The following MYLK4 variants were observed in gnomAD, a reference collection of about 807,000 sequenced individuals.
The protein encoded by MYLK4 is myosin light chain kinase family member 4.
Under a neutral mutation model 48.1 loss-of-function variants are expected in MYLK4, and 46 were observed. That is an observed-to-expected ratio of 0.96 (90% CI 0.75 to 1.22). MYLK4 has a LOEUF of 1.22. Among genes scored for constraint, MYLK4 ranks in the 50% most tolerant of loss-of-function variants. MYLK4 has a pLI of 0.00. For synonymous variants in MYLK4, 170 were observed against 180.8 expected (o/e 0.94, Z 0.48); for missense variants, 451 against 486.1 (o/e 0.93, Z 0.68).
intron 2 of MYLK4, among the ~76,000 whole-genome samples, chr6:2,741,298 TCTTA>T (rs1763892461): frequency 6.6e-6 from 1 of 152,216 alleles, no homozygotes; most frequent in East Asian, 1.9e-4. Context: ...CTAACCATTC[TCTTA>T]CTTAGGTACA....
At position 2,685,915 on chromosome 6, in the gene MYLK4, A is replaced by C. The variant is rs1175171670; in HGVS notation, c.342-339T>G. On this transcript the variant is annotated intron_variant, in intron 4 of 12. Coordinates refer to ENST00000274643, the MANE Select transcript of MYLK4 (RefSeq NM_001012418.5). The surrounding 1 kb of genome is among the most constrained non-coding windows in gnomAD (Gnocchi z 4.5). ...ATCTCTGCTAAAAATACAAATACAA[A>C]AAATTAGCCAGATGTGATGGCATGT... Among the ~76,000 whole-genome samples, 2 of 152,124 alleles carry C rather than the reference A, an allele frequency of 1.3e-5. No individual in the cohort carries two copies. The highest frequency in any genetic ancestry group is 2.9e-5 in the Non-Finnish European group (2 of 68,024).
At chr6:2,669,804 AAAG>A (rs1415044648) in intron 12 of MYLK4, among the ~76,000 whole-genome samples, 5 of 152,342 alleles carry the variant, frequency 3.3e-5, no homozygotes, top group South Asian at 4.1e-4. Flanking sequence ...TGTTTTTAAC[AAAG>A]AAGAATGGTC....
chr6:2,684,098 G>C (rs1761433674), intron 6 of MYLK4, among the ~76,000 whole-genome samples: 1 of 152,138 alleles, frequency 6.6e-6, no homozygotes, highest in Non-Finnish European at 1.5e-5. Context: ...GAGTAAAATA[G>C]AACAATTATA....
intron 2 of MYLK4, among the ~76,000 whole-genome samples, chr6:2,698,539 G>A (rs2113203581): frequency 6.6e-6 from 1 of 152,318 alleles, no homozygotes; most frequent in South Asian, 2.1e-4. Context: ...ATTACTGTTT[G>A]TGGAAATGCC....
chr6:2,765,541 G>A, the MYLK4 span: 4 of 1,349,262 alleles, frequency 3.0e-6, no homozygotes, highest in Non-Finnish European at 2.8e-6. Flanking sequence ...GCGGCGCGGG[G>A]CCTAGCGGAG....
intron 2 of MYLK4, among the ~76,000 whole-genome samples, chr6:2,712,379 G>T (rs1048548365): frequency 5.3e-5 from 8 of 152,288 alleles, no homozygotes; most frequent in African/African-American, 1.9e-4. Flanking sequence ...GGGTAGGCTT[G>T]CCCAGACCCA....
rs761524208 is a variant in MYLK4, at chr6:2,673,822, G to A, written c.1119+1225C>T. 2.0e-5 allele frequency among the ~76,000 whole-genome samples: 3 copies of A among 152,224 alleles called. No individual in the cohort carries two copies. The highest frequency in any genetic ancestry group is 2.4e-5 in the African/African-American group (1 of 41,458). ...TCAGGGGAGGCATGTCCCAGGCCAC[G>A]GTCACCATGGGAATGGAGAGAAACA... On this transcript the variant is annotated intron_variant, in intron 11 of 12. Transcript: ENST00000274643. The surrounding 1 kb of genome is among the most constrained non-coding windows in gnomAD (Gnocchi z 4.2).
intron 2 of MYLK4, among the ~76,000 whole-genome samples, chr6:2,709,399 C>T (rs1454910589): frequency 2.0e-5 from 3 of 152,198 alleles, no homozygotes; most frequent in African/African-American, 7.2e-5. Context: ...GTGGATCTGC[C>T]CGTGAGGCAT....
At chr6:2,723,723 T>C (rs1023411865) in intron 2 of MYLK4, among the ~76,000 whole-genome samples, 2 of 152,224 alleles carry the variant, frequency 1.3e-5, no homozygotes, top group African/African-American at 2.4e-5. Flanking sequence ...CAGTCATCTC[T>C]GGCTAAAGAG....
intron 2 of MYLK4, among the ~76,000 whole-genome samples, chr6:2,731,705 A>G (rs2113327245): frequency 6.6e-6 from 1 of 151,642 alleles, no homozygotes; most frequent in East Asian, 1.9e-4. Flanking sequence ...ATTGTATTCA[A>G]CCTCCCTTAC....
chr6:2,746,736 C>T (rs1259655720), intron 2 of MYLK4, among the ~76,000 whole-genome samples: 1 of 152,198 alleles, frequency 6.6e-6, no homozygotes, highest in African/African-American at 2.4e-5. Flanking sequence ...TGGAGAAAAT[C>T]GACAAGCATG....
Position 2,679,350 on chromosome 6 carries a change from CA to C in MYLK4, c.816del (p.Glu273LysfsTer3). Reference protein sequence around the residue: ...VNFGTPEFLAPEVVNYDFVSF... With the variant: ...VNFGTPEFLAXEVVNYDFVSF... Reference sequence around the variant, plus strand: ...GAAACAAAATCATAGTTCACAACTTCAGGGGCGAGAAATTCTGGGGTTCCAA... The same window carrying C: ...GAAACAAAATCATAGTTCACAACTTCGGGGCGAGAAATTCTGGGGTTCCAA... On this transcript the variant is annotated frameshift_variant, in exon 9 of 13. Coordinates refer to ENST00000274643, the MANE Select transcript of MYLK4 (RefSeq NM_001012418.5). LOFTEE classifies it high-confidence loss of function. 6.2e-7 allele frequency: 1 copy of C among 1,614,180 alleles called. No individual in the cohort carries two copies. Among genetic ancestry groups the C allele is most frequent in the Non-Finnish European group, 8.5e-7 (1 of 1,180,030 alleles).
chr6:2,756,817 T>C, the MYLK4 span, among the ~76,000 whole-genome samples: 1 of 152,246 alleles, frequency 6.6e-6, no homozygotes, highest in African/African-American at 2.4e-5. Flanking sequence ...TCATTTCCAA[T>C]ATTTAAAAAT....
intron 12 of MYLK4, 113 bp downstream of exon 12, chr6:2,671,163 A>G (rs1760876250): frequency 8.2e-6 from 6 of 732,498 alleles, no homozygotes; most frequent in East Asian, 5.5e-5. Flanking sequence ...CCTCCACGCC[A>G]GCCAAAACGC....
At chr6:2,739,577 C>T (rs1763818211) in intron 2 of MYLK4, among the ~76,000 whole-genome samples, 1 of 152,164 alleles carries the variant, frequency 6.6e-6, no homozygotes, top group African/African-American at 2.4e-5. Flanking sequence ...AGCCATGAGT[C>T]ATGGATTATG....
chr6:2,733,474 G>A (rs1018306639), intron 2 of MYLK4, among the ~76,000 whole-genome samples: 1 of 152,194 alleles, frequency 6.6e-6, no homozygotes, highest in Non-Finnish European at 1.5e-5. Context: ...TGAGCATGGA[G>A]TGTTCACTCA....
intron 2 of MYLK4, among the ~76,000 whole-genome samples, chr6:2,711,455 T>C (rs960747576): frequency 6.6e-6 from 1 of 152,262 alleles, no homozygotes; most frequent in African/African-American, 2.4e-5. Context: ...TAAATATTCT[T>C]AGATTCCAAT....
At chr6:2,713,212 A>G (rs1394656316) in intron 2 of MYLK4, among the ~76,000 whole-genome samples, 1 of 151,966 alleles carries the variant, frequency 6.6e-6, no homozygotes, top group African/African-American at 2.4e-5. Context: ...ATCTACTAAA[A>G]ACACAAAATT....
chr6:2,728,312 T>C (rs1763356991), intron 2 of MYLK4, among the ~76,000 whole-genome samples: 1 of 152,206 alleles, frequency 6.6e-6, no homozygotes, highest in Admixed American at 6.5e-5. Flanking sequence ...AACCTTACTG[T>C]TTTCTACAGA....
Sources: gnomAD v4.1 joint callset for allele counts (sites outside exome capture counted in the v4.1 genomes callset) on GRCh38, gnomAD v4.1.1 for gene constraint, Gnocchi (gnomAD v3.1) non-coding constraint, MANE v1.5 for transcripts, NCBI Gene and HGNC (gene_info 2026-07-23, HGNC 2026-07-21) for gene names.